The following NMNAT2 variants were observed in gnomAD, a reference collection of about 807,000 sequenced individuals.
NMNAT2 encodes nicotinamide nucleotide adenylyltransferase 2.
NMNAT2 carries 11 observed loss-of-function variants against 41.6 expected under a neutral mutation model. The ratio of observed to expected loss-of-function variants is 0.26; its 90% CI spans 0.17 to 0.44. The LOEUF (loss-of-function observed/expected upper bound fraction) is 0.44, where lower values mean the gene tolerates loss of function less well. Among genes scored for constraint, NMNAT2 ranks in the 20% least tolerant of loss-of-function variants. The probability of loss-of-function intolerance (pLI) is 1.00; values close to 1 mark genes in which losing one functional copy is unlikely to be tolerated. For missense variants in NMNAT2, 288 were observed against 407.7 expected (o/e 0.71, Z 2.53); for synonymous variants, 148 against 151.2 (o/e 0.98, Z 0.16).
chr1:183,310,749 G>GA (rs1378633358), intron 1 of NMNAT2, among the ~76,000 whole-genome samples: 4 of 151,772 alleles, frequency 2.6e-5, no homozygotes, highest in Admixed American at 2.6e-4. Context: ...TGCCAGGGTT[G>GA]AAAATCCTGT....
chr1:183,253,905 G>A lies in NMNAT2; in HGVS notation c.822-1162C>T, dbSNP rs1450973667. On this transcript the variant is annotated intron_variant, in intron 10 of 10. Transcript: ENST00000287713. ...TTAAGTCGAATAATGTTCCACTTCC[G>A]TGTGTGTGTGTGTGTGTGTGTGTGT... is the stretch of plus-strand genomic sequence containing the variant. Among the ~76,000 whole-genome samples, 17 of 28,942 alleles carry A rather than the reference G, an allele frequency of 5.9e-4. 1 individual carries two copies. In the East Asian group the frequency reaches 0.096, roughly 163 times the overall value. The allele number at this position is 28,942 out of a possible 152,430, so 19.0% of individuals were successfully genotyped here.
intron 1 of NMNAT2, among the ~76,000 whole-genome samples, chr1:183,350,350 G>A (rs537468811): frequency 1.3e-5 from 2 of 152,252 alleles, no homozygotes; most frequent in Admixed American, 1.3e-4. Flanking sequence ...AATTTGGGAG[G>A]AAAATTTGAG....
chr1:183,336,288 G>T (rs1242929892), intron 1 of NMNAT2, among the ~76,000 whole-genome samples: 1 of 152,114 alleles, frequency 6.6e-6, no homozygotes, highest in Admixed American at 6.6e-5. Context: ...CACAAAAGAA[G>T]ATATATATAA....
At chr1:183,389,666 G>T (rs1215236589) in intron 1 of NMNAT2, among the ~76,000 whole-genome samples, 1 of 150,318 alleles carries the variant, frequency 6.7e-6, no homozygotes, top group Middle Eastern at 3.4e-3. Flanking sequence ...AGCCCTGGAG[G>T]TTGAGACTGC....
chr1:183,253,848 C>G (rs1453679521), intron 10 of NMNAT2, among the ~76,000 whole-genome samples: 1 of 151,802 alleles, frequency 6.6e-6, no homozygotes, highest in African/African-American at 2.4e-5. Flanking sequence ...CCAGGTCTAG[C>G]CAAGTTGTGG....
chr1:183,347,771 T>C (rs1662964452), intron 1 of NMNAT2, among the ~76,000 whole-genome samples: 1 of 152,196 alleles, frequency 6.6e-6, no homozygotes, highest in Non-Finnish European at 1.5e-5. Flanking sequence ...GATCTTTGAA[T>C]GGAAACTGTT....
intron 1 of NMNAT2, among the ~76,000 whole-genome samples, chr1:183,393,145 A>G (rs751802467): frequency 2.6e-4 from 40 of 152,230 alleles, no homozygotes; most frequent in Non-Finnish European, 4.7e-4. Flanking sequence ...AGTGGAAGAT[A>G]AATTCCTTCT....
intron 7 of NMNAT2, among the ~76,000 whole-genome samples, chr1:183,282,195 C>T (rs1661288871): frequency 6.6e-6 from 1 of 152,238 alleles, no homozygotes; most frequent in African/African-American, 2.4e-5. Flanking sequence ...GTAGACCCTC[C>T]CTCTCAGCGA....
At chr1:183,314,821 G>T (rs1394591073) in intron 1 of NMNAT2, among the ~76,000 whole-genome samples, 2 of 152,164 alleles carry the variant, frequency 1.3e-5, no homozygotes, top group African/African-American at 4.8e-5. Context: ...TGAAATTACA[G>T]TAAGCTATGA....
At chr1:183,367,920 C>G (rs1014740514) in intron 1 of NMNAT2, among the ~76,000 whole-genome samples, 7 of 152,254 alleles carry the variant, frequency 4.6e-5, no homozygotes, top group African/African-American at 1.7e-4. Flanking sequence ...ATGAGGTCCC[C>G]CAGCATGGCA....
At chr1:183,340,530 G>A (rs1365727060) in intron 1 of NMNAT2, among the ~76,000 whole-genome samples, 1 of 151,996 alleles carries the variant, frequency 6.6e-6, no homozygotes, top group Admixed American at 6.6e-5. Context: ...CACCATGTTG[G>A]CCAGGCTGGT....
At chr1:183,337,460 T>C (rs1045073253) in intron 1 of NMNAT2, among the ~76,000 whole-genome samples, 2 of 147,910 alleles carry the variant, frequency 1.4e-5, no homozygotes, top group Non-Finnish European at 3.0e-5. Flanking sequence ...ACACAGGTTC[T>C]ATAAAGAAAA....
At chr1:183,294,333 G>A (rs896868301) in intron 1 of NMNAT2, among the ~76,000 whole-genome samples, 59 of 152,156 alleles carry the variant, frequency 3.9e-4, no homozygotes, top group African/African-American at 1.2e-3. Context: ...TGGTTGAGAC[G>A]AAAAATTTGG....
At chr1:183,317,215 G>C (rs1251248167) in intron 1 of NMNAT2, among the ~76,000 whole-genome samples, 1 of 152,176 alleles carries the variant, frequency 6.6e-6, no homozygotes, top group East Asian at 1.9e-4. Context: ...CAGAAAGTAG[G>C]CTCAGTTTCA....
At chr1:183,352,337 G>A (rs925585118) in intron 1 of NMNAT2, among the ~76,000 whole-genome samples, 1 of 152,202 alleles carries the variant, frequency 6.6e-6, no homozygotes, top group African/African-American at 2.4e-5. Flanking sequence ...GCTAAGGTGG[G>A]TGGATCACCT....
At chr1:183,374,761 G>GA (rs1482074557) in intron 1 of NMNAT2, among the ~76,000 whole-genome samples, 1 of 152,150 alleles carries the variant, frequency 6.6e-6, no homozygotes, top group Non-Finnish European at 1.5e-5. Flanking sequence ...TCTCTAGGAA[G>GA]CCATAATGAG....
chr1:183,250,548 G>C lies in NMNAT2; in HGVS notation c.*2093C>G, dbSNP rs1660348063. 1 of 152,656 alleles carries C rather than the reference G, an allele frequency of 6.6e-6. No homozygotes were observed. Among genetic ancestry groups the C allele is most frequent in the Non-Finnish European group, 1.5e-5 (1 of 68,062 alleles). 9.5% of individuals were successfully genotyped at this position (152,656 alleles called of 1,614,324 possible). A position where few individuals can be genotyped will look rare whatever the true frequency, so the allele number is the denominator to read the frequency against. Reference sequence around the variant, plus strand: ...GAGGGTGTGGTGTGACGGCCTAGGGGTCAGGGAAACAATATGTTCTTGTCA... The same window carrying C: ...GAGGGTGTGGTGTGACGGCCTAGGGCTCAGGGAAACAATATGTTCTTGTCA... On this transcript the variant is annotated 3_prime_UTR_variant, in exon 11 of 11. Coordinates refer to ENST00000287713, the MANE Select transcript of NMNAT2 (RefSeq NM_015039.4).
intron 1 of NMNAT2, among the ~76,000 whole-genome samples, chr1:183,396,905 C>T (rs1648666299): frequency 6.6e-6 from 1 of 152,190 alleles, no homozygotes; most frequent in Non-Finnish European, 1.5e-5. Flanking sequence ...TATGGATTTG[C>T]TGCCACTAAC....
intron 1 of NMNAT2, among the ~76,000 whole-genome samples, chr1:183,372,476 C>T (rs1663571727): frequency 6.6e-6 from 1 of 152,086 alleles, no homozygotes; most frequent in African/African-American, 2.4e-5. Flanking sequence ...ACATAACAAG[C>T]CTCAGCCTCC....
Sources: gnomAD v4.1 joint callset for allele counts (sites outside exome capture counted in the v4.1 genomes callset) on GRCh38, gnomAD v4.1.1 for gene constraint, MANE v1.5 for transcripts, NCBI Gene and HGNC (gene_info 2026-07-23, HGNC 2026-07-21) for gene names.